RAP1GAP2: variants seen among roughly 807,000 people sequenced by gnomAD.
RAP1GAP2 encodes rap1 GTPase-activating protein 2.
RAP1GAP2 carries 27 observed loss-of-function variants against 95.0 expected under a neutral mutation model. The ratio of observed to expected loss-of-function variants is 0.28; its 90% confidence interval spans 0.21 to 0.39. The LOEUF (loss-of-function observed/expected upper bound fraction) is 0.39. Ranked by LOEUF, RAP1GAP2 falls within the 10% of genes least tolerant of loss-of-function variation. The pLI is 1.00. For missense variants in RAP1GAP2, 771 were observed against 970.0 expected, an observed-to-expected ratio of 0.79 and a Z score of 2.72; for synonymous variants, 373 against 380.9, an observed-to-expected ratio of 0.98 and a Z score of 0.24.
At chr17:2,796,212 G>A (rs576290270), upstream of RAP1GAP2, among the ~76,000 whole-genome samples, 4 of 152,246 alleles carry the variant, frequency 2.6e-5, no homozygotes, top group Non-Finnish European at 4.4e-5. This position sits in a 1 kb window ranked among gnomAD's most constrained non-coding sequence, Gnocchi z 4.7. Flanking sequence ...TGTGTGGGCC[G>A]GGCTGCTAAC....
intron 2 of RAP1GAP2, among the ~76,000 whole-genome samples, chr17:2,864,790 A>T (rs1420728865): frequency 2.0e-5 from 3 of 152,088 alleles, no homozygotes; most frequent in Non-Finnish European, 4.4e-5. Context: ...GCCACTGTGG[A>T]TTTGCCTTCA....
intron 17 of RAP1GAP2, among the ~76,000 whole-genome samples, chr17:3,011,762 G>C (rs1169561358): frequency 6.6e-6 from 1 of 151,932 alleles, no homozygotes; most frequent in Non-Finnish European, 1.5e-5. Context: ...TGGGATTACA[G>C]GTGCCCGCCA....
chr17:2,795,514 A>C (rs1415219091), upstream of RAP1GAP2, among the ~76,000 whole-genome samples: 1 of 152,120 alleles, frequency 6.6e-6, no homozygotes, highest in Non-Finnish European at 1.5e-5. Flanking sequence ...CCACCCGCAC[A>C]TGGGTACCGC....
intron 3 of RAP1GAP2, among the ~76,000 whole-genome samples, chr17:2,928,480 G>T (rs1231525862): frequency 1.3e-5 from 2 of 152,240 alleles, no homozygotes; most frequent in Non-Finnish European, 2.9e-5. Flanking sequence ...AGGGTGGGAA[G>T]GTGTGGGAGG....
chr17:2,995,198 C>T (rs1412920181), intron 12 of RAP1GAP2, 139 bp from the exon 13 acceptor site: 7 of 1,056,974 alleles, frequency 6.6e-6, no homozygotes, highest in Non-Finnish European at 8.3e-6. Context: ...TTTCCCACAT[C>T]ACAGCCTGCT....
intron 21 of RAP1GAP2, 150 bp from the exon 22 acceptor site, chr17:3,026,794 C>A: frequency 4.6e-6 from 5 of 1,083,328 alleles, no homozygotes; most frequent in Non-Finnish European, 6.5e-6. Flanking sequence ...TAGCTTGGAA[C>A]CAGGGTTGAA....
intron 13 of RAP1GAP2, 94 bp downstream of exon 13, chr17:2,995,560 T>A: frequency 6.6e-7 from 1 of 1,515,352 alleles, no homozygotes; most frequent in Non-Finnish European, 9.0e-7. Flanking sequence ...GCCGTCCCCA[T>A]ATTCGTTCCC....
chr17:2,861,772 C>T (rs1344485817), intron 2 of RAP1GAP2, among the ~76,000 whole-genome samples: 1 of 152,110 alleles, frequency 6.6e-6, no homozygotes, highest in African/African-American at 2.4e-5. Flanking sequence ...GGGCCCTCCT[C>T]CCGTGCTGAG....
intron 3 of RAP1GAP2, among the ~76,000 whole-genome samples, chr17:2,953,513 A>G (rs2043990187): frequency 6.6e-6 from 1 of 152,092 alleles, no homozygotes; most frequent in Non-Finnish European, 1.5e-5. Flanking sequence ...GAACAGCTTT[A>G]TTGAGATATA....
chr17:2,786,531 G>A (rs2068779870), intron 1 of RAP1GAP2, among the ~76,000 whole-genome samples: 1 of 152,238 alleles, frequency 6.6e-6, no homozygotes, highest in Non-Finnish European at 1.5e-5. Flanking sequence ...GGGCGGGAGT[G>A]ACCCAGCTGG....
chr17:2,760,507 A>C (rs956660083), intron 1 of RAP1GAP2, among the ~76,000 whole-genome samples: 1 of 150,088 alleles, frequency 6.7e-6, no homozygotes, highest in Non-Finnish European at 1.5e-5. Context: ...CACCCGGCTA[A>C]TTTTTGTATT....
chr17:2,894,621 C>A (rs1252996662), intron 2 of RAP1GAP2, among the ~76,000 whole-genome samples: 1 of 152,076 alleles, frequency 6.6e-6, no homozygotes, highest in Non-Finnish European at 1.5e-5. Context: ...AGAAAGAGAG[C>A]CTTATCATCT....
chr17:2,891,835 T>C (rs1435869787), intron 2 of RAP1GAP2, among the ~76,000 whole-genome samples: 1 of 137,942 alleles, frequency 7.2e-6, no homozygotes, highest in Non-Finnish European at 1.6e-5. Flanking sequence ...TTTTTTTTTT[T>C]TTTTTGAGAC....
At chr17:3,001,924 A>G (rs184943834) in intron 14 of RAP1GAP2, among the ~76,000 whole-genome samples, 610 of 146,870 alleles carry the variant, frequency 4.2e-3, no homozygotes, top group Non-Finnish European at 7.1e-3. Flanking sequence ...GCGCCACCCC[A>G]CCTCCAGCTG....
At chr17:2,813,467 G>A (rs895946055) in intron 2 of RAP1GAP2, among the ~76,000 whole-genome samples, 4 of 152,214 alleles carry the variant, frequency 2.6e-5, no homozygotes, top group Non-Finnish European at 4.4e-5. Flanking sequence ...ACCGTCAGTG[G>A]TTGGGCAATG....
intron 3 of RAP1GAP2, among the ~76,000 whole-genome samples, chr17:2,907,229 C>T (rs2042227768): frequency 6.6e-6 from 1 of 152,156 alleles, no homozygotes; most frequent in African/African-American, 2.4e-5. Context: ...GGTCTCATGA[C>T]CGCCCACCTA....
At chr17:2,887,732 T>C (rs891296713) in intron 2 of RAP1GAP2, among the ~76,000 whole-genome samples, 5 of 149,670 alleles carry the variant, frequency 3.3e-5, no homozygotes, top group Admixed American at 1.3e-4. Flanking sequence ...TGGAGTGCAG[T>C]GATGCAATCT....
Position 2,857,635 on chromosome 17 carries a change from G to T in RAP1GAP2, c.81-47649G>T, listed in dbSNP as rs751498399. ...TGAGAGGGGATTGGGTTTGAGTATGGCTCCCAGGAGACACCTGGATGAAGC... is the reference window on the plus strand; with the variant it reads ...TGAGAGGGGATTGGGTTTGAGTATGTCTCCCAGGAGACACCTGGATGAAGC... On this transcript the variant is annotated intron_variant, in intron 2 of 24. Transcript: ENST00000254695. This position sits in a 1 kb window ranked among gnomAD's most constrained non-coding sequence, Gnocchi z 4.0. Among the ~76,000 whole-genome samples the T allele has an allele frequency of 1.3e-5, 2 of 152,166 alleles. No homozygotes were observed. Among genetic ancestry groups the T allele is most frequent in the African/African-American group, 2.4e-5 (1 of 41,428 alleles).
chr17:2,818,203 C>T (rs1021884851), intron 2 of RAP1GAP2, among the ~76,000 whole-genome samples: 60 of 151,952 alleles, frequency 3.9e-4, no homozygotes, highest in African/African-American at 1.4e-3. Context: ...AGTTAAGTTC[C>T]GGTCATCATT....
Sources: gnomAD v4.1 joint callset for allele counts (sites outside exome capture counted in the v4.1 genomes callset) on GRCh38, gnomAD v4.1.1 for gene constraint, Gnocchi (gnomAD v3.1) non-coding constraint, MANE v1.5 for transcripts, NCBI Gene and HGNC (gene_info 2026-07-23, HGNC 2026-07-21) for gene names.